Variants in GALNTL6 observed in about 807,000 individuals in gnomAD.
GALNTL6 encodes polypeptide N-acetylgalactosaminyltransferase-like 6.
GALNTL6 carries 46 observed loss-of-function variants against 73.7 expected under a neutral mutation model. The ratio of observed to expected loss-of-function variants is 0.62; its 90% CI spans 0.49 to 0.80. The LOEUF is 0.80. Ranked by LOEUF, GALNTL6 falls within the 30% of genes least tolerant of loss-of-function variation. The pLI is 0.00. For missense variants in GALNTL6, 604 were observed against 755.0 expected, an observed-to-expected ratio of 0.80 and a Z score of 2.34; for synonymous variants, 259 against 263.7, an observed-to-expected ratio of 0.98 and a Z score of 0.17.
intron 2 of GALNTL6, among the ~76,000 whole-genome samples, chr4:172,081,205 T>C (rs1731869307): frequency 6.6e-6 from 1 of 152,242 alleles, no homozygotes; most frequent in South Asian, 2.1e-4. Context: ...GAGTGAACCT[T>C]AATGCTTATC....
At chr4:171,976,452 A>G (rs179639) in intron 2 of GALNTL6, among the ~76,000 whole-genome samples, 61,441 of 152,090 alleles carry the variant, frequency 0.4, 12,958 homozygotes, top group Middle Eastern at 0.55. Flanking sequence ...GGATAAACAT[A>G]TAATAATTTC....
intron 10 of GALNTL6, among the ~76,000 whole-genome samples, chr4:172,971,953 A>C (rs1242825678): frequency 6.6e-6 from 1 of 152,196 alleles, no homozygotes; most frequent in African/African-American, 2.4e-5. Flanking sequence ...CCTAAGTCAA[A>C]ATGATAAAGA....
intron 2 of GALNTL6, among the ~76,000 whole-genome samples, chr4:172,061,085 C>T (rs953045277): frequency 6.6e-6 from 1 of 152,076 alleles, no homozygotes; most frequent in Non-Finnish European, 1.5e-5. Context: ...CAGTGATTAC[C>T]TGAAACCAAG....
intron 2 of GALNTL6, among the ~76,000 whole-genome samples, chr4:172,000,910 CA>C (rs1012375264): frequency 1.3e-5 from 2 of 152,144 alleles, no homozygotes; most frequent in Admixed American, 1.3e-4. Flanking sequence ...CACATCACCA[CA>C]GCCAAGAACT....
At chr4:172,215,073 C>T (rs901159466) in intron 2 of GALNTL6, among the ~76,000 whole-genome samples, 4 of 115,314 alleles carry the variant, frequency 3.5e-5, no homozygotes, top group Non-Finnish European at 4.2e-5. Flanking sequence ...AGATTTTTAC[C>T]TCAGTCTTTC....
Position 171,852,518 on chromosome 4 carries a change from TTA to T in GALNTL6, c.138+37815_138+37816del, listed in dbSNP as rs35838041. Among the ~76,000 whole-genome samples, 263 of 149,236 alleles carry T rather than the reference TTA, an allele frequency of 1.8e-3. 1 individual carries two copies. The highest frequency in any genetic ancestry group is 5.8e-3 in the African/African-American group (238 of 41,080). ...ATCGCTGTCTAAATATTAGCTTTCT[TTA>T]TATATATATATATAGCTTTCTTTAT... On this transcript the variant is annotated intron_variant, in intron 2 of 12. Transcript: ENST00000506823.
chr4:172,013,019 A>G (rs1446646586), intron 2 of GALNTL6, among the ~76,000 whole-genome samples: 2 of 151,964 alleles, frequency 1.3e-5, no homozygotes, highest in Admixed American at 1.3e-4. Flanking sequence ...AGCTTTGCAT[A>G]TGGTATTTTA....
intron 7 of GALNTL6, among the ~76,000 whole-genome samples, chr4:172,866,072 T>C (rs372804576): frequency 6.6e-6 from 1 of 152,300 alleles, no homozygotes; most frequent in African/African-American, 2.4e-5. Flanking sequence ...TGCCTTCACC[T>C]TGGATCAGGT....
intron 2 of GALNTL6, among the ~76,000 whole-genome samples, chr4:171,818,017 C>T (rs752105499): frequency 9.3e-5 from 14 of 150,954 alleles, no homozygotes; most frequent in African/African-American, 2.7e-4. Context: ...TCCTTTATGT[C>T]ATTTAGAAAT....
chr4:172,433,233 C>G (rs754124014), intron 5 of GALNTL6, among the ~76,000 whole-genome samples: 10 of 152,136 alleles, frequency 6.6e-5, no homozygotes, highest in Non-Finnish European at 1.5e-4. Context: ...AGCTTCCCTA[C>G]TCAGCTTCAT....
intron 5 of GALNTL6, among the ~76,000 whole-genome samples, chr4:172,475,626 C>T (rs1024655887): frequency 1.3e-5 from 2 of 152,038 alleles, no homozygotes; most frequent in East Asian, 3.9e-4. Context: ...TGGGAATTTT[C>T]TTGAATTCAT....
At chr4:171,995,138 G>A (rs1169303627) in intron 2 of GALNTL6, among the ~76,000 whole-genome samples, 1 of 151,596 alleles carries the variant, frequency 6.6e-6, no homozygotes, top group Non-Finnish European at 1.5e-5. Flanking sequence ...TATGCTGATG[G>A]GATTGTAATC....
chr4:172,830,656 C>A (rs1163741914), intron 7 of GALNTL6, among the ~76,000 whole-genome samples: 1 of 152,150 alleles, frequency 6.6e-6, no homozygotes, highest in East Asian at 1.9e-4. Context: ...AGCAGCCACA[C>A]CGTGGCATTA....
chr4:172,730,537 T>C (rs1160679092), intron 5 of GALNTL6, among the ~76,000 whole-genome samples: 1 of 152,254 alleles, frequency 6.6e-6, no homozygotes, highest in Non-Finnish European at 1.5e-5. Flanking sequence ...TTTATTAATT[T>C]GCATATGTTG....
chr4:172,952,880 T>C (rs1265956792), intron 10 of GALNTL6, among the ~76,000 whole-genome samples: 1 of 152,158 alleles, frequency 6.6e-6, no homozygotes, highest in Non-Finnish European at 1.5e-5. Context: ...CCATCGGCGT[T>C]TGTAGAGAAT....
chr4:172,935,071 G>A (rs902822285), intron 9 of GALNTL6, among the ~76,000 whole-genome samples: 1 of 152,102 alleles, frequency 6.6e-6, no homozygotes, highest in Non-Finnish European at 1.5e-5. Context: ...GTCACCCCAC[G>A]GCTAAACATA....
chr4:172,207,913 T>C (rs1736195194), intron 2 of GALNTL6, among the ~76,000 whole-genome samples: 1 of 152,236 alleles, frequency 6.6e-6, no homozygotes, highest in Non-Finnish European at 1.5e-5. Context: ...TATATTTTCA[T>C]TCTGTATGAC....
intron 3 of GALNTL6, among the ~76,000 whole-genome samples, chr4:172,276,470 C>G (rs1396824365): frequency 2.0e-5 from 3 of 152,204 alleles, no homozygotes; most frequent in Non-Finnish European, 2.9e-5. Flanking sequence ...CTGCCCAGCA[C>G]TTAACATTCA....
In GALNTL6 at chr4:173,040,094, C is replaced by T. The variant is rs757674876; in HGVS notation, c.1800C>T (p.Asn600=). Residue 600 remains asparagine, a synonymous_variant, in exon 13 of 13, where the codon AAC becomes AAT. Transcript: ENST00000506823. The part of the protein sequence containing the change: ...TVLEKFNHHA[N]S The stretch of plus-strand genomic sequence containing the variant: ...TAGAAAAATTTAACCACCATGCCAA[C>T]TCCTAGAAAGAAGAAAGGAAGAAAG... 7 of 1,608,442 alleles carry T rather than the reference C, an allele frequency of 4.4e-6. No homozygotes were observed. Among genetic ancestry groups the T allele is most frequent in the South Asian group, 1.1e-5 (1 of 90,308 alleles).
Sources: allele counts gnomAD v4.1 joint callset (sites outside exome capture counted in the v4.1 genomes callset), GRCh38; gene constraint gnomAD v4.1.1; transcripts MANE v1.5; gene names NCBI Gene and HGNC (gene_info 2026-07-23, HGNC 2026-07-21).